TMC4: variants seen among roughly 807,000 people sequenced by gnomAD.
The protein encoded by TMC4 is transmembrane channel like 4.
TMC4 carries 70 observed loss-of-function variants against 82.0 expected under a neutral mutation model. The observed-to-expected ratio is 0.85, with a 90% CI of 0.70 to 1.04. The LOEUF is 1.04. Among genes scored for constraint, TMC4 ranks in the 50% least tolerant of loss-of-function variants. The pLI, the probability that TMC4 is intolerant of heterozygous loss-of-function variation, is 0.00. For synonymous variants in TMC4, 446 were observed against 406.0 expected (o/e 1.10, Z -1.18); for missense variants, 879 against 899.0 (o/e 0.98, Z 0.28).
At chr19:54,168,352 A>G in intron 4 of TMC4, 60 bp from the exon 5 acceptor site, 2 of 1,535,106 alleles carry the variant, frequency 1.3e-6, no homozygotes, top group Non-Finnish European at 1.8e-6. Context: ...CTGGAGCTGC[A>G]CAGTCAGGGT....
At chr19:54,167,390 T>C (rs1475692471) in intron 5 of TMC4, among the ~76,000 whole-genome samples, 1 of 151,682 alleles carries the variant, frequency 6.6e-6, no homozygotes, top group Non-Finnish European at 1.5e-5. Flanking sequence ...ATACCCCGTC[T>C]CTACTAAAAA....
intron 13 of TMC4, 44 bp from the exon 14 acceptor site, chr19:54,160,589 A>G: frequency 1.2e-6 from 2 of 1,613,454 alleles, no homozygotes; most frequent in Non-Finnish European, 8.5e-7. Flanking sequence ...ACGCTCTTCC[A>G]TTATATCCAA....
At position 54,169,586 on chromosome 19, in the gene TMC4, C is replaced by G. The variant is rs748668730; in HGVS notation, c.368G>C (p.Arg123Pro). The change falls in exon 3 of 15, where the codon CGG (arginine) becomes CCG (proline). Residue 123 changes from arginine to proline, a missense_variant. Coordinates refer to ENST00000619895, the MANE Select transcript of TMC4 (RefSeq NM_144686.4). ...TTCCTTTGTTTTCTCCTTGGACCTC[C>G]GAAGTAGCCGCGCCCATCGGTCCGT... is the stretch of plus-strand genomic sequence containing the variant. ...TKTDRWARLL[R>P]RSKEKTKEGL... 6.2e-7 allele frequency: 1 copy of G among 1,614,016 alleles called. No individual in the cohort carries two copies. The highest frequency in any genetic ancestry group is 1.3e-5 in the African/African-American group (1 of 75,012).
At position 54,160,871 on chromosome 19, in the gene TMC4, G is replaced by A. The variant is rs377089943; in HGVS notation, c.1973+7C>T. On this transcript the variant is annotated splice_region_variant and intron_variant, in intron 13 of 14. Coordinates refer to ENST00000619895, the MANE Select transcript of TMC4 (RefSeq NM_144686.4). Reference sequence around the variant, plus strand: ...AAACCCAGACCCAGAAGTCTGGGCCGTCTCACCTGGAGATCAGCAGAAGGG... The same window carrying A: ...AAACCCAGACCCAGAAGTCTGGGCCATCTCACCTGGAGATCAGCAGAAGGG... 2.2e-5 allele frequency: 35 copies of A among 1,613,538 alleles called. No individual in the cohort carries two copies. The highest frequency in any genetic ancestry group is 2.0e-4 in the African/African-American group (15 of 74,852).
In TMC4 at chr19:54,171,880, G is replaced by T; in HGVS notation, c.283C>A (p.Arg95=). The change falls in exon 2 of 15, where the codon CGG becomes AGG. Residue 95 remains arginine, a synonymous_variant. Transcript: ENST00000619895. The part of the protein sequence containing the change: ...RELPWPMQAR[R]AHRQRNASRD... The stretch of plus-strand genomic sequence containing the variant: ...GAGGTGGGGCCTCACCTGTGTGCCC[G>T]TCTGGCCTGCATGGGCCAGGGCAGT... The T allele has an allele frequency of 1.9e-6, 3 of 1,604,794 alleles. No homozygotes were observed. The highest frequency in any genetic ancestry group is 1.1e-5 in the South Asian group (1 of 89,692).
chr19:54,168,389 C>A (rs2075757493), intron 4 of TMC4, 59 bp downstream of exon 4: 2 of 1,515,698 alleles, frequency 1.3e-6, no homozygotes, highest in Admixed American at 4.1e-5. Flanking sequence ...AGGTTCGTGT[C>A]ATTGAAGGCA....
In TMC4 at chr19:54,168,161, T is replaced by C. The variant is rs752839794; in HGVS notation, c.797+10A>G. 140 of 1,599,550 alleles carry C rather than the reference T, an allele frequency of 8.8e-5. No homozygotes were observed. The highest frequency in any genetic ancestry group is 1.2e-4 in the Non-Finnish European group (137 of 1,173,062). ...TCCCGTCAGGGGTCAGGGGTGCAGG[T>C]GCCACTGACCGATGCAGGATGAGCA... On this transcript the variant is annotated intron_variant, in intron 5 of 14. Coordinates refer to ENST00000619895, the MANE Select transcript of TMC4 (RefSeq NM_144686.4).
At chr19:54,163,304 CT>C (rs2075614654) in intron 8 of TMC4, 145 bp from the exon 9 acceptor site, 2 of 794,854 alleles carry the variant, frequency 2.5e-6, no homozygotes, top group Non-Finnish European at 3.6e-6. Context: ...TTCTTTCTTT[CT>C]TTCTTTTTTT....
At position 54,162,243 on chromosome 19, in the gene TMC4, C is replaced by G. The variant is rs144865322; in HGVS notation, c.1545G>C (p.Ala515=). The G allele has an allele frequency of 6.2e-7, 1 of 1,607,738 alleles. No homozygotes were observed. The highest frequency in any genetic ancestry group is 1.3e-5 in the African/African-American group (1 of 74,668). The change falls in exon 11 of 15, where the codon GCG becomes GCC. Residue 515 remains alanine (A), a synonymous_variant. Transcript: ENST00000619895. ...GLCPGALGRL[A]GTQEFQVPDE... is the part of the protein sequence containing the mutation. ...CGGGCACCTGGAACTCTTGGGTCCC[C>G]GCCAGACGACCCAGCGCCCCAGGAC...
chr19:54,165,677 G>A (rs576796632), intron 5 of TMC4, 111 bp from the exon 6 acceptor site: 42 of 1,297,308 alleles, frequency 3.2e-5, no homozygotes, highest in Middle Eastern at 2.8e-4. Context: ...AAGGCCTTGG[G>A]TACTAGGCGA....
At position 54,162,687 on chromosome 19, in the gene TMC4, G is replaced by A; in HGVS notation, c.1488C>T (p.Ile496=). ...LLTVLAVALL[I]QFPRKLLCGL... is the part of the protein sequence containing the mutation. ...GGGGCTCTCACTTTCTAGGAAACTG[G>A]ATGAGCAGCGCGACTGCCAAGACAG... is the stretch of plus-strand genomic sequence containing the variant. The change falls in exon 10 of 15, where the codon ATC becomes ATT. Residue 496 remains isoleucine (I), a synonymous_variant. Coordinates refer to ENST00000619895, the MANE Select transcript of TMC4 (RefSeq NM_144686.4). The A allele has an allele frequency of 6.2e-7, 1 of 1,613,940 alleles. No individual in the cohort carries two copies. The highest frequency in any genetic ancestry group is 8.5e-7 in the Non-Finnish European group (1 of 1,179,966).
chr19:54,168,263 A>C lies in TMC4; in HGVS notation c.705T>G (p.Tyr235Ter). Residue 235 changes from tyrosine to a stop codon, truncating the protein, a stop_gained, in exon 5 of 15, where the codon TAT (tyrosine) becomes TAG (stop). Coordinates refer to ENST00000619895, the MANE Select transcript of TMC4 (RefSeq NM_144686.4). LOFTEE classifies it high-confidence loss of function. ...GGCGTGGGCGGGGCGGGTAGAAGCC[A>C]TAGAAGAGAGGGGACCATTCCAGGT... ...EGYLEWSPLFYGFYPPRPRLA... is the reference protein window; with the variant it reads ...EGYLEWSPLF 1.3e-6 allele frequency: 2 copies of C among 1,557,968 alleles called. No homozygotes were observed.
At chr19:54,172,671 TCCA>T in intron 1 of TMC4, 1 of 273,740 alleles carries the variant, frequency 3.7e-6, no homozygotes, top group South Asian at 1.1e-4. Flanking sequence ...GACCCAGGGG[TCCA>T]CAGCCCTCAA....
At chr19:54,164,657 G>A (rs771481676) in intron 6 of TMC4, 56 bp from the exon 7 acceptor site, 5 of 1,600,524 alleles carry the variant, frequency 3.1e-6, no homozygotes, top group Admixed American at 1.7e-5. Flanking sequence ...CGGGCCTCCC[G>A]GTTCCCCAGG....
chr19:54,160,827 C>T (rs1371696697), intron 13 of TMC4, 51 bp downstream of exon 13: 1 of 1,600,154 alleles, frequency 6.2e-7, no homozygotes. Flanking sequence ...AGGTGGTGGC[C>T]CCCAGATCAC....
chr19:54,164,847 C>T, intron 6 of TMC4: 1 of 579,536 alleles, frequency 1.7e-6, no homozygotes, highest in Admixed American at 3.3e-5. Context: ...ATCTCAGCAC[C>T]CCAGGCCCCG....
At position 54,161,039 on chromosome 19, in the gene TMC4, G is replaced by A. The variant is rs527650265; in HGVS notation, c.1818-6C>T. On this transcript the variant is annotated splice_polypyrimidine_tract_variant and splice_region_variant and intron_variant, in intron 12 of 14. Coordinates refer to ENST00000619895, the MANE Select transcript of TMC4 (RefSeq NM_144686.4). ...ACAGCTTAGAAGGCGGGATCCTGAA[G>A]TCAAGACAGGCTGGGCTCACATAGT... 4 of 1,614,132 alleles carry A rather than the reference G, an allele frequency of 2.5e-6. No homozygotes were observed. In the South Asian group the frequency reaches 4.4e-5, roughly 18 times the overall value.
chr19:54,171,953 G>A lies in TMC4; in HGVS notation c.210C>T (p.Phe70=). Reference sequence around the variant, plus strand: ...GCAGCTCTGTCTGGGTGACTTCTGTGAAGGCCTTTCTGCTCCTTCCTCCAT... The same window carrying A: ...GCAGCTCTGTCTGGGTGACTTCTGTAAAGGCCTTTCTGCTCCTTCCTCCAT... The part of the protein sequence containing the change: ...EEDGGRSRKA[F]TEVTQTELQD... Residue 70 remains phenylalanine, a synonymous_variant, in exon 2 of 15, where the codon TTC becomes TTT. Coordinates refer to ENST00000619895, the MANE Select transcript of TMC4 (RefSeq NM_144686.4). 6.2e-7 allele frequency: 1 copy of A among 1,613,754 alleles called. No individual in the cohort carries two copies.
In TMC4 at chr19:54,162,274, C is replaced by T; in HGVS notation, c.1514G>A (p.Gly505Asp). 3 of 1,581,250 alleles carry T rather than the reference C, an allele frequency of 1.9e-6. No individual in the cohort carries two copies. The highest frequency in any genetic ancestry group is 4.5e-5 in the East Asian group (2 of 43,992). ...LIQFPRKLLC[G>D]LCPGALGRLA... ...ACGACCCAGCGCCCCAGGACAGAGG[C>T]CACAGAGGAGCCTGAAGGACGGGGC... Residue 505 changes from glycine to aspartate, a missense_variant, in exon 11 of 15, where the codon GGC (glycine) becomes GAC (aspartate). Physicochemically the swap from Gly to Asp is moderately conservative, Grantham distance 94. Transcript: ENST00000619895.
Sources: allele counts gnomAD v4.1 joint callset (sites outside exome capture counted in the v4.1 genomes callset), GRCh38; gene constraint gnomAD v4.1.1; transcripts MANE v1.5; gene names NCBI Gene and HGNC (gene_info 2026-07-23, HGNC 2026-07-21).